RSBN1L: variants seen among roughly 807,000 people sequenced by gnomAD.
The protein encoded by RSBN1L is round spermatid basic protein 1 like.
RSBN1L carries 30 observed loss-of-function variants against 67.7 expected under a neutral mutation model. The observed-to-expected ratio is 0.44, with a 90% confidence interval of 0.33 to 0.60. The LOEUF is 0.60. Among genes scored for constraint, RSBN1L ranks in the 20% least tolerant of loss-of-function variants. The probability of loss-of-function intolerance (pLI) is 0.02; values close to 1 mark genes in which losing one functional copy is unlikely to be tolerated. For synonymous variants in RSBN1L, 433 were observed against 387.0 expected (o/e 1.12, Z -1.39); for missense variants, 992 against 1,031.7 (o/e 0.96, Z 0.53).
Position 77,778,950 on chromosome 7 carries a change from A to G in RSBN1L, c.2323A>G (p.Thr775Ala), listed in dbSNP as rs1791955604. 1.2e-6 allele frequency: 2 copies of G among 1,613,974 alleles called. No homozygotes were observed. Among genetic ancestry groups the G allele is most frequent in the Non-Finnish European group, 1.7e-6 (2 of 1,179,852 alleles). Residue 775 changes from threonine (T) to alanine (A), a missense_variant, in exon 8 of 8, where the codon ACT becomes GCT. By Grantham distance (58) the Thr-to-Ala change is moderately conservative. This residue lies in a region of RSBN1L where 199 missense variants were observed against 167.7 expected (regional missense o/e 1.19). Coordinates refer to ENST00000334955, the MANE Select transcript of RSBN1L (RefSeq NM_198467.3). The stretch of plus-strand genomic sequence containing the variant: ...TGTGAATGTTAATATTCCTGAAAAG[A>G]CTACAGCACTGAATAATATGGATGG... ...EPVNVNIPEK[T>A]TALNNMDGKN...
intron 5 of RSBN1L, among the ~76,000 whole-genome samples, chr7:77,772,318 A>T (rs1308356418): frequency 6.6e-6 from 1 of 152,196 alleles, no homozygotes; most frequent in Non-Finnish European, 1.5e-5. Flanking sequence ...AGAGGAGACA[A>T]TTATGGGGGT....
intron 2 of RSBN1L, among the ~76,000 whole-genome samples, chr7:77,739,771 G>T (rs1791384979): frequency 6.7e-5 from 3 of 45,044 alleles, no homozygotes; most frequent in African/African-American, 9.5e-5. Flanking sequence ...TTTTTTTTGA[G>T]AGGAGTCTTG....
chr7:77,756,688 G>A (rs988494616), intron 3 of RSBN1L, among the ~76,000 whole-genome samples: 1 of 152,092 alleles, frequency 6.6e-6, no homozygotes, highest in Non-Finnish European at 1.5e-5. Flanking sequence ...TGAGGCAGGA[G>A]AATCGCTTGA....
rs1222541143 is a variant in RSBN1L, at chr7:77,725,084, TCCAC to T, written c.587-11323_587-11320del. On this transcript the variant is annotated intron_variant, in intron 1 of 7. Transcript: ENST00000334955. ...GTCTTGAACTCCTGACCTCCGGTGA[TCCAC>T]CCGCCTTGGCTTTCCAAAATGCTGG... Among the ~76,000 whole-genome samples the T allele has an allele frequency of 2.6e-5, 4 of 151,186 alleles. No homozygotes were observed. In the South Asian group the frequency reaches 8.3e-4, roughly 31 times the overall value.
intron 1 of RSBN1L, among the ~76,000 whole-genome samples, chr7:77,718,999 T>C (rs537284077): frequency 6.3e-4 from 96 of 152,290 alleles, no homozygotes; most frequent in African/African-American, 2.1e-3. Flanking sequence ...TTCAGGACCA[T>C]TCCACATGGT....
rs1792014035 is a variant in RSBN1L at position 77,782,634 on chromosome 7, T to G, written c.*3466T>G. The G allele has an allele frequency of 6.6e-6, 1 of 152,196 alleles. No homozygotes were observed. The highest frequency in any genetic ancestry group is 1.9e-4 in the East Asian group (1 of 5,194). 9.4% of individuals were successfully genotyped at this position (152,196 alleles called of 1,614,324 possible). A position where few individuals can be genotyped will look rare whatever the true frequency, so the allele number is the denominator to read the frequency against. On this transcript the variant is annotated 3_prime_UTR_variant, in exon 8 of 8. Coordinates refer to ENST00000334955, the MANE Select transcript of RSBN1L (RefSeq NM_198467.3). Reference sequence around the variant, plus strand: ...TATTTGTGTGTGTGCATGTGCCTGTTTTTGTGTGTGTATGTTTGTGGGAAA... The same window carrying G: ...TATTTGTGTGTGTGCATGTGCCTGTGTTTGTGTGTGTATGTTTGTGGGAAA...
intron 3 of RSBN1L, among the ~76,000 whole-genome samples, chr7:77,754,506 C>T (rs1288683791): frequency 1.3e-5 from 2 of 152,026 alleles, no homozygotes; most frequent in Admixed American, 1.3e-4. Context: ...AGATTTATTC[C>T]TGTATATTCA....
At chr7:77,732,960 C>T (rs528766254) in intron 1 of RSBN1L, among the ~76,000 whole-genome samples, 110 of 152,090 alleles carry the variant, frequency 7.2e-4, no homozygotes, top group Middle Eastern at 6.8e-3. Flanking sequence ...ATAGCTCTGC[C>T]ATGTAACATG....
chr7:77,717,103 G>A (rs1791059210), intron 1 of RSBN1L, among the ~76,000 whole-genome samples: 1 of 151,986 alleles, frequency 6.6e-6, no homozygotes. Context: ...TAGGACTACA[G>A]GTGAGCGACA....
At chr7:77,722,747 TGGAAGGAATAATG>T (rs2150416565) in intron 1 of RSBN1L, among the ~76,000 whole-genome samples, 1 of 152,078 alleles carries the variant, frequency 6.6e-6, no homozygotes, top group African/African-American at 2.4e-5. Context: ...ACATTATTCC[TGGAAGGAATAATG>T]TAAGAGAGGG....
intron 3 of RSBN1L, among the ~76,000 whole-genome samples, chr7:77,753,670 A>G (rs1260000282): frequency 6.6e-6 from 1 of 152,226 alleles, no homozygotes; most frequent in East Asian, 1.9e-4. Context: ...ATTCTGTTTT[A>G]GAAATCTTTG....
rs1388751392 is a variant in RSBN1L at position 77,782,406 on chromosome 7, C to T, written c.*3238C>T. ...AGTGGAATCTGCTACAGTGCTTCCC[C>T]CTCCCTACCCCTCCATTTTGTTTAT... On this transcript the variant is annotated 3_prime_UTR_variant, in exon 8 of 8. Coordinates refer to ENST00000334955, the MANE Select transcript of RSBN1L (RefSeq NM_198467.3). The T allele has an allele frequency of 6.6e-6, 1 of 152,156 alleles. No homozygotes were observed. The highest frequency in any genetic ancestry group is 1.5e-5 in the Non-Finnish European group (1 of 68,018). 9.4% of individuals were successfully genotyped at this position (152,156 alleles called of 1,614,324 possible).
At chr7:77,774,934 T>C (rs1171589652) in intron 6 of RSBN1L, among the ~76,000 whole-genome samples, 1 of 151,900 alleles carries the variant, frequency 6.6e-6, no homozygotes, top group Non-Finnish European at 1.5e-5. Flanking sequence ...CTGTCATGGC[T>C]CACAGCAGCC....
At position 77,749,745 on chromosome 7, in the gene RSBN1L, C is replaced by T. The variant is rs186186898; in HGVS notation, c.1025C>T (p.Thr342Ile). Residue 342 changes from threonine to isoleucine, a missense_variant, in exon 3 of 8, where the codon ACT becomes ATT. By Grantham distance (89) the Thr-to-Ile change is moderately conservative. Transcript: ENST00000334955. The part of the protein sequence containing the change: ...RVQNNLKRLD[T>I]LEFKQLIHIE... ...CAGAATAACCTCAAAAGGTTGGACA[C>T]TTTGGAATTTAAACAACTCATTCAT... 9 of 1,614,130 alleles carry T rather than the reference C, an allele frequency of 5.6e-6. No homozygotes were observed. The East Asian group carries it at 1.8e-4, about 32-fold the overall frequency.
chr7:77,711,322 A>ATTT (rs200143722), intron 1 of RSBN1L, among the ~76,000 whole-genome samples: 1 of 138,628 alleles, frequency 7.2e-6, no homozygotes, highest in Admixed American at 7.4e-5. Context: ...TTGCATATTA[A>ATTT]TTTTTTTTTT....
intron 5 of RSBN1L, among the ~76,000 whole-genome samples, chr7:77,769,753 T>C (rs950974442): frequency 1.3e-4 from 20 of 152,204 alleles, no homozygotes; most frequent in Non-Finnish European, 2.1e-4. Flanking sequence ...AAGTTTATTT[T>C]AAAAGAACTA....
intron 5 of RSBN1L, among the ~76,000 whole-genome samples, chr7:77,771,197 C>T (rs1791844588): frequency 6.6e-6 from 1 of 152,232 alleles, no homozygotes; most frequent in African/African-American, 2.4e-5. Context: ...GCCTCGGCCA[C>T]CCAAAGTGCC....
chr7:77,703,209 ACTGAGGACCATACCTCTTGTTTC>A (rs1165548719), intron 1 of RSBN1L, among the ~76,000 whole-genome samples: 1 of 152,096 alleles, frequency 6.6e-6, no homozygotes, highest in East Asian at 1.9e-4. Flanking sequence ...ATTCAGTTTT[ACTGAGGACCATACCTCTTGTTTC>A]CTTAGGAGTG....
intron 1 of RSBN1L, among the ~76,000 whole-genome samples, chr7:77,705,361 T>G (rs1375416399): frequency 6.6e-6 from 1 of 152,194 alleles, no homozygotes; most frequent in Non-Finnish European, 1.5e-5. Context: ...TTGATTAAAT[T>G]CGAGTTAAAC....
Sources: allele counts gnomAD v4.1 joint callset (sites outside exome capture counted in the v4.1 genomes callset), GRCh38; gene constraint gnomAD v4.1.1; regional missense constraint gnomAD v4.1.1; transcripts MANE v1.5; gene names NCBI Gene and HGNC (gene_info 2026-07-23, HGNC 2026-07-21).